The following CEP68 variants were observed in gnomAD, a reference collection of about 807,000 sequenced individuals.
CEP68 encodes the protein centrosomal protein of 68 kDa.
A neutral mutation model predicts 55.3 loss-of-function variants in CEP68; 26 were observed. The observed-to-expected ratio is 0.47, with a 90% CI of 0.34 to 0.65. CEP68 has a LOEUF of 0.65. CEP68 is among the 30% of genes least tolerant of loss of function. The probability of loss-of-function intolerance (pLI) is 0.01; values close to 1 mark genes in which losing one functional copy is unlikely to be tolerated. For missense variants in CEP68, 957 were observed against 946.7 expected, an observed-to-expected ratio of 1.01 and a Z score of -0.14; for synonymous variants, 402 against 383.2, an observed-to-expected ratio of 1.05 and a Z score of -0.57.
At chr2:65,069,365 T>C in intron 1 of CEP68, 34 bp from the exon 2 acceptor site, 1 of 1,088,260 alleles carries the variant, frequency 9.2e-7, no homozygotes, top group Non-Finnish European at 1.3e-6. Context: ...ATGTAGAAGA[T>C]TTATATTTTT....
chr2:65,082,789 C>A, intron 6 of CEP68, 80 bp downstream of exon 6: 1 of 1,177,690 alleles, frequency 8.5e-7, no homozygotes, highest in Non-Finnish European at 1.2e-6. Context: ...GCTTGTTGAG[C>A]CAAGAACTAT....
At chr2:65,066,373 G>A (rs1676165161) in intron 1 of CEP68, among the ~76,000 whole-genome samples, 1 of 151,714 alleles carries the variant, frequency 6.6e-6, no homozygotes, top group South Asian at 2.1e-4. Flanking sequence ...GAGGCGGGTG[G>A]ATCACGAGGT....
rs1175768889 is a variant in CEP68 at position 65,071,938 on chromosome 2, C to T, written c.842C>T (p.Ser281Phe). Reference protein sequence around the residue: ...AEYWACVLPDSLPPSPDRHSP... With the variant: ...AEYWACVLPDFLPPSPDRHSP... ...TACTGGGCCTGTGTGCTGCCAGATT[C>T]CCTGCCTCCATCACCCGACCGCCAC... Residue 281 changes from serine (S) to phenylalanine (F), a missense_variant, in exon 3 of 7, where the codon TCC becomes TTC. Ser to Phe is a radical substitution (Grantham distance 155). Transcript: ENST00000377990. 1.2e-6 allele frequency: 2 copies of T among 1,613,144 alleles called. No individual in the cohort carries two copies. Among genetic ancestry groups the T allele is most frequent in the East Asian group, 2.2e-5 (1 of 44,858 alleles).
chr2:65,072,341 G>C lies in CEP68; in HGVS notation c.1245G>C (p.Glu415Asp). The C allele has an allele frequency of 6.2e-7, 1 of 1,613,942 alleles. No homozygotes were observed. The highest frequency in any genetic ancestry group is 2.2e-5 in the East Asian group (1 of 44,852). Residue 415 changes from glutamate to aspartate, a missense_variant, in exon 3 of 7, where the codon GAG (glutamate) becomes GAC (aspartate). By Grantham distance (45) the Glu-to-Asp change is conservative. Coordinates refer to ENST00000377990, the MANE Select transcript of CEP68 (RefSeq NM_015147.3). ...GGGATGCTCGTTGGGAGCGCAGAGA[G>C]CCAGCCCTGAGGGGTGCGAAGGACC... ...GSRDARWERR[E>D]PALRGAKDRL... is the part of the protein sequence containing the mutation.
At chr2:65,071,365 A>T (rs1379578241) in intron 2 of CEP68, 89 bp from the exon 3 acceptor site, 7 of 1,110,702 alleles carry the variant, frequency 6.3e-6, no homozygotes, top group Non-Finnish European at 8.0e-6. Flanking sequence ...TACTGTCTAG[A>T]CCCACAAGGA....
Position 65,069,804 on chromosome 2 carries a change from A to G in CEP68, c.357+3A>G, listed in dbSNP as rs1171428674. On this transcript the variant is annotated splice_donor_region_variant and intron_variant, in intron 2 of 6. Coordinates refer to ENST00000377990, the MANE Select transcript of CEP68 (RefSeq NM_015147.3). ...TTCTGCTCTCCGGGGAAAGCCAGGT[A>G]GGTACTAAGGCAAGACTGTAGATGG... 3 of 1,612,488 alleles carry G rather than the reference A, an allele frequency of 1.9e-6. No homozygotes were observed. Among genetic ancestry groups the G allele is most frequent in the African/African-American group, 2.7e-5 (2 of 74,924 alleles).
Position 65,069,752 on chromosome 2 carries a change from C to T in CEP68, c.308C>T (p.Pro103Leu). 1.2e-6 allele frequency: 2 copies of T among 1,614,102 alleles called. No homozygotes were observed. Among genetic ancestry groups the T allele is most frequent in the Middle Eastern group, 1.6e-4 (1 of 6,062 alleles). Residue 103 changes from proline to leucine, a missense_variant, in exon 2 of 7, where the codon CCT becomes CTT. Coordinates refer to ENST00000377990, the MANE Select transcript of CEP68 (RefSeq NM_015147.3). ...TCTGAGCCTGCACTCAGTGGCCTGC[C>T]TCCTGCCACCATGGGGTCTGGAGAC... ...ERSEPALSGLPPATMGSGDLL... is the reference protein window; with the variant it reads ...ERSEPALSGLLPATMGSGDLL...
chr2:65,056,424 C>CTGCGGTTGGAGGGCCGCAGT lies in CEP68; in HGVS notation c.-147_-128dup, dbSNP rs1384274417. The CTGCGGTTGGAGGGCCGCAGT allele has an allele frequency of 2.0e-5, 3 of 152,392 alleles. No individual in the cohort carries two copies. Among genetic ancestry groups the CTGCGGTTGGAGGGCCGCAGT allele is most frequent in the Non-Finnish European group, 4.4e-5 (3 of 68,158 alleles). The allele number at this position is 152,392 out of a possible 1,614,324, so 9.4% of individuals were successfully genotyped here. On this transcript the variant is annotated 5_prime_UTR_variant, in exon 1 of 7. Transcript: ENST00000377990. ...TCGGTCCTGCCCTGCGCGTTTTGGG[C>CTGCGGTTGGAGGGCCGCAGT]TGCGGTTGGAGGGCCGCAGTTGCAG...
rs1293700702 is a variant in CEP68, at chr2:65,066,763, TATATAC to T, written c.-46-2634_-46-2629del. Among the ~76,000 whole-genome samples the T allele has an allele frequency of 1.4e-3, 104 of 74,866 alleles. 1 individual carries two copies. Among genetic ancestry groups the T allele is most frequent in the African/African-American group, 4.9e-3 (83 of 16,880 alleles). 49.1% of individuals were successfully genotyped at this position (74,866 alleles called of 152,430 possible). Reference sequence around the variant, plus strand: ...AAAAAAAAATATATATATATATATATATATACACACACAAAAAAAAATTAGCTGGGC... The same window carrying T: ...AAAAAAAAATATATATATATATATATACACACAAAAAAAAATTAGCTGGGC... On this transcript the variant is annotated intron_variant, in intron 1 of 6. Coordinates refer to ENST00000377990, the MANE Select transcript of CEP68 (RefSeq NM_015147.3).
At chr2:65,075,732 G>A (rs1272462194) in intron 4 of CEP68, among the ~76,000 whole-genome samples, 1 of 152,180 alleles carries the variant, frequency 6.6e-6, no homozygotes, top group Admixed American at 6.5e-5. Context: ...TCTTCATGAA[G>A]AAGCAGAGGG....
Position 65,086,417 on chromosome 2 carries a change from T to G in CEP68, c.*2783T>G, listed in dbSNP as rs1669029169. 1 of 152,144 alleles carries G rather than the reference T, an allele frequency of 6.6e-6. No homozygotes were observed. The highest frequency in any genetic ancestry group is 6.6e-5 in the Admixed American group (1 of 15,262). 9.4% of individuals were successfully genotyped at this position (152,144 alleles called of 1,614,324 possible). On this transcript the variant is annotated 3_prime_UTR_variant, in exon 7 of 7. Transcript: ENST00000377990. Reference sequence around the variant, plus strand: ...AATGGGGGTATAAAGGGGTATATATTTTTTCCAGAACCACATTTATTGGCG... The same window carrying G: ...AATGGGGGTATAAAGGGGTATATATGTTTTCCAGAACCACATTTATTGGCG...
At chr2:65,076,935 T>A (rs944879568) in intron 4 of CEP68, among the ~76,000 whole-genome samples, 2 of 140,180 alleles carry the variant, frequency 1.4e-5, no homozygotes, top group African/African-American at 5.3e-5. Flanking sequence ...TAAAAATTTA[T>A]AAAAATCAGT....
Position 65,079,366 on chromosome 2 carries a change from C to T in CEP68, c.2104+1402C>T, listed in dbSNP as rs370081343. On this transcript the variant is annotated intron_variant, in intron 5 of 6. Transcript: ENST00000377990. Reference sequence around the variant, plus strand: ...CCCCAGTAAATCCCTGCTTCCCCCACAGTTGTGACAACCCAAAATGTTTCT... The same window carrying T: ...CCCCAGTAAATCCCTGCTTCCCCCATAGTTGTGACAACCCAAAATGTTTCT... 8.5e-5 allele frequency among the ~76,000 whole-genome samples: 13 copies of T among 152,316 alleles called. 1 individual carries two copies. The highest frequency in any genetic ancestry group is 5.2e-4 in the Admixed American group (8 of 15,302).
rs1389101537 is a variant in CEP68 at position 65,063,897 on chromosome 2, A to G, written c.-46-5502A>G. ...TTTCGTTGCATTTTGGTAACATTTC[A>G]TAGACAGTTTTGAATGCATTATAGA... On this transcript the variant is annotated intron_variant, in intron 1 of 6. Coordinates refer to ENST00000377990, the MANE Select transcript of CEP68 (RefSeq NM_015147.3). 1.3e-5 allele frequency among the ~76,000 whole-genome samples: 2 copies of G among 152,202 alleles called. 1 individual carries two copies. Among genetic ancestry groups the G allele is most frequent in the South Asian group, 4.1e-4 (2 of 4,836 alleles).
Position 65,078,065 on chromosome 2 carries a change from C to A in CEP68, c.2104+101C>A. ...TGGTAAGGAGCTGGTACCACAAGAG[C>A]CCCTGCCCACACCCACTGCCCGAGA... On this transcript the variant is annotated intron_variant, in intron 5 of 6. Coordinates refer to ENST00000377990, the MANE Select transcript of CEP68 (RefSeq NM_015147.3). The A allele has an allele frequency of 3.8e-6, 3 of 797,684 alleles. No individual in the cohort carries two copies. The Admixed American group carries it at 7.9e-5, about 21-fold the overall frequency. The allele number at this position is 797,684 out of a possible 1,614,324, so 49.4% of individuals were successfully genotyped here. A position where few individuals can be genotyped will look rare whatever the true frequency, so the allele number is the denominator to read the frequency against.
chr2:65,064,898 A>G (rs1169781409), intron 1 of CEP68, among the ~76,000 whole-genome samples: 5 of 152,228 alleles, frequency 3.3e-5, no homozygotes, highest in Admixed American at 6.5e-5. Flanking sequence ...TTAATGAGCC[A>G]CAAGGTGAGG....
chr2:65,068,582 T>C (rs965363254), intron 1 of CEP68, among the ~76,000 whole-genome samples: 1 of 152,234 alleles, frequency 6.6e-6, no homozygotes, highest in Non-Finnish European at 1.5e-5. Context: ...CAAGTAGCTC[T>C]CACCTGTTCC....
intron 1 of CEP68, among the ~76,000 whole-genome samples, chr2:65,063,678 CCTT>C (rs1309781072): frequency 6.6e-6 from 1 of 152,194 alleles, no homozygotes; most frequent in Non-Finnish European, 1.5e-5. Context: ...GAAGACCAGA[CCTT>C]CATGCAGTGT....
At position 65,072,638 on chromosome 2, in the gene CEP68, A is replaced by C. The variant is rs1558563440; in HGVS notation, c.1542A>C (p.Lys514Asn). Residue 514 changes from lysine to asparagine, a missense_variant, in exon 3 of 7, where the codon AAA becomes AAC. Lys to Asn is a moderately conservative substitution (Grantham distance 94). Transcript: ENST00000377990. ...TLVTLPTGDI[K>N]GQSPLEVSDS... ...TTACCCTGCCCACTGGGGATATCAA[A>C]GGGCAGAGCCCCTTGGAAGTGTCAG... The C allele has an allele frequency of 1.2e-6, 2 of 1,614,162 alleles. No individual in the cohort carries two copies. The highest frequency in any genetic ancestry group is 1.7e-6 in the Non-Finnish European group (2 of 1,180,006).
Sources: gnomAD v4.1 joint callset for allele counts (sites outside exome capture counted in the v4.1 genomes callset) on GRCh38, gnomAD v4.1.1 for gene constraint, MANE v1.5 for transcripts, NCBI Gene and HGNC (gene_info 2026-07-23, HGNC 2026-07-21) for gene names.